The following ASAH2 variants were observed in gnomAD, a reference collection of about 807,000 sequenced individuals.
The protein encoded by ASAH2 is neutral ceramidase.
Under a neutral mutation model 82.9 loss-of-function variants are expected in ASAH2, and 58 were observed. That is an observed-to-expected ratio of 0.70 (90% CI 0.57 to 0.87). The LOEUF (loss-of-function observed/expected upper bound fraction) is 0.87, where lower values mean the gene tolerates loss of function less well. Ranked by LOEUF, ASAH2 falls within the 40% of genes least tolerant of loss-of-function variation. The probability of loss-of-function intolerance (pLI) is 0.00; values close to 1 mark genes in which losing one functional copy is unlikely to be tolerated. For missense variants in ASAH2, 779 were observed against 834.0 expected (o/e 0.93, Z 0.81); for synonymous variants, 276 against 289.7 (o/e 0.95, Z 0.48).
Position 50,186,129 on chromosome 10 carries a change from A to G in ASAH2, c.*1186T>C, listed in dbSNP as rs1844740214. 2.7e-5 allele frequency: 3 copies of G among 111,654 alleles called. No homozygotes were observed. The highest frequency in any genetic ancestry group is 5.7e-5 in the Non-Finnish European group (3 of 52,200). The allele number at this position is 111,654 out of a possible 1,614,324, so 6.9% of individuals were successfully genotyped here. On this transcript the variant is annotated 3_prime_UTR_variant, in exon 21 of 21. Coordinates refer to ENST00000682911, the MANE Select transcript of ASAH2 (RefSeq NM_019893.4). ...TCTGGAGCCTCTTTCCCCCCAAATTAGAGTATCCAACACAGATGATACACA... is the reference window on the plus strand; with the variant it reads ...TCTGGAGCCTCTTTCCCCCCAAATTGGAGTATCCAACACAGATGATACACA...
intron 4 of ASAH2, among the ~76,000 whole-genome samples, chr10:50,241,159 T>G (rs546139216): frequency 6.6e-5 from 10 of 152,290 alleles, no homozygotes; most frequent in African/African-American, 2.4e-4. Flanking sequence ...TGGGTCAAGC[T>G]TTCAGATGAC....
chr10:50,187,370 G>T lies in ASAH2; in HGVS notation c.2288C>A (p.Ala763Asp). Residue 763 changes from alanine (A) to aspartate (D), a missense_variant, in exon 21 of 21, where the codon GCT becomes GAT. By Grantham distance (126) the Ala-to-Asp change is moderately radical. This residue lies in a region of ASAH2 where 14 missense variants were observed against 16.2 expected (regional missense o/e 0.87). Transcript: ENST00000682911. ...HNRKQDILKPAVILSFEGTSP... is the reference protein window; with the variant it reads ...HNRKQDILKPDVILSFEGTSP... ...AGTGCCTTCAAATGAAAGTATGACA[G>T]CAGGCTTCAGAATGTCCTGCTTCCG... 2 of 383,174 alleles carry T rather than the reference G, an allele frequency of 5.2e-6. No homozygotes were observed. Among genetic ancestry groups the T allele is most frequent in the Non-Finnish European group, 9.1e-6 (2 of 219,134 alleles). The allele number at this position is 383,174 out of a possible 1,614,324, so 23.7% of individuals were successfully genotyped here.
At chr10:50,248,093 A>T (rs531312954) in intron 2 of ASAH2, among the ~76,000 whole-genome samples, 1 of 152,208 alleles carries the variant, frequency 6.6e-6, no homozygotes, top group East Asian at 1.9e-4. Context: ...ACTAATTGAC[A>T]TTCATTCAGT....
intron 13 of ASAH2, among the ~76,000 whole-genome samples, chr10:50,205,369 C>A (rs1033927019): frequency 6.6e-6 from 1 of 151,942 alleles, no homozygotes; most frequent in Non-Finnish European, 1.5e-5. Context: ...GAGAATTTAA[C>A]CCTTTCCTTA....
rs965010967 is a variant in ASAH2, at chr10:50,236,017, A to T, written c.558T>A (p.Asp186Glu). Residue 186 changes from aspartate (D) to glutamate (E), a missense_variant, in exon 5 of 21, where the codon GAT (aspartate) becomes GAA (glutamate). By Grantham distance (45) the Asp-to-Glu change is conservative. Around this residue, in one of 3 missense-constraint regions of ASAH2, gnomAD observed 759 missense variants for 755.2 expected, o/e 1.00. Coordinates refer to ENST00000682911, the MANE Select transcript of ASAH2 (RefSeq NM_019893.4). Reference sequence around the variant, plus strand: ...TGTGAGTGCCACTCAGGATGACATTATCTCTTCTGTACAGGGAGCCATATT... The same window carrying T: ...TGTGAGTGCCACTCAGGATGACATTTTCTCTTCTGTACAGGGAGCCATATT... ...QSKYGSLYRR[D>E]NVILSGTHTH... 13 of 1,613,208 alleles carry T rather than the reference A, an allele frequency of 8.1e-6. No individual in the cohort carries two copies. The African/African-American group carries it at 1.5e-4, about 18-fold the overall frequency.
chr10:50,204,844 T>C lies in ASAH2; in HGVS notation c.1625+17A>G, dbSNP rs2133202204. The C allele has an allele frequency of 2.6e-6, 4 of 1,566,308 alleles. No homozygotes were observed. Among genetic ancestry groups the C allele is most frequent in the East Asian group, 4.5e-5 (2 of 44,448 alleles). On this transcript the variant is annotated intron_variant, in intron 14 of 20. Coordinates refer to ENST00000682911, the MANE Select transcript of ASAH2 (RefSeq NM_019893.4). ...AACAAACACATTTTTAACTAAGTAATAAAAAGAAAAACTTACGTAAACTCC... is the reference window on the plus strand; with the variant it reads ...AACAAACACATTTTTAACTAAGTAACAAAAAGAAAAACTTACGTAAACTCC...
chr10:50,246,662 A>G (rs2133235691), intron 2 of ASAH2, among the ~76,000 whole-genome samples: 1 of 152,326 alleles, frequency 6.6e-6, no homozygotes, highest in South Asian at 2.1e-4. Flanking sequence ...AATGGAGAGC[A>G]TGTGATGAAT....
chr10:50,205,873 C>G, intron 13 of ASAH2, 109 bp downstream of exon 13: 1 of 939,910 alleles, frequency 1.1e-6, no homozygotes, highest in Non-Finnish European at 1.7e-6. Flanking sequence ...ATGGGAATAT[C>G]TAAATAAGAC....
chr10:50,193,985 T>C (rs1844908941), intron 18 of ASAH2, among the ~76,000 whole-genome samples: 1 of 151,350 alleles, frequency 6.6e-6, no homozygotes, highest in Non-Finnish European at 1.5e-5. Context: ...AAATAGGACA[T>C]ATGAATGGTC....
chr10:50,218,004 A>T (rs2133212388), intron 8 of ASAH2, among the ~76,000 whole-genome samples: 1 of 152,284 alleles, frequency 6.6e-6, no homozygotes, highest in African/African-American at 2.4e-5. Context: ...GTGCACCTGT[A>T]ATTTCAGCTA....
chr10:50,209,191 G>A (rs2133205291), intron 12 of ASAH2, among the ~76,000 whole-genome samples: 1 of 152,096 alleles, frequency 6.6e-6, no homozygotes, highest in Admixed American at 6.6e-5. Flanking sequence ...AATCTTATAA[G>A]AAAATAGGGG....
intron 7 of ASAH2, 36 bp downstream of exon 7, chr10:50,233,148 C>T (rs1846059695): frequency 6.3e-6 from 9 of 1,421,654 alleles, no homozygotes; most frequent in African/African-American, 5.6e-5. Flanking sequence ...AGAAAAGCTA[C>T]CCGACAGAAT....
intron 1 of ASAH2, among the ~76,000 whole-genome samples, chr10:50,249,133 G>A (rs1846550377): frequency 6.6e-6 from 1 of 152,172 alleles, no homozygotes; most frequent in Admixed American, 6.5e-5. Context: ...TTGTTCACCT[G>A]GAGGTGAAAC....
chr10:50,216,425 T>C (rs989082009), intron 8 of ASAH2, among the ~76,000 whole-genome samples: 1 of 152,156 alleles, frequency 6.6e-6, no homozygotes, highest in African/African-American at 2.4e-5. Flanking sequence ...CTGATTCAAG[T>C]GGGAGAGTTT....
chr10:50,234,665 GTCC>G, intron 5 of ASAH2, 113 bp from the exon 6 acceptor site: 1 of 1,428,476 alleles, frequency 7.0e-7, no homozygotes, highest in Non-Finnish European at 9.8e-7. Flanking sequence ...TCTCTAATGG[GTCC>G]ACATTACGGG....
At chr10:50,240,220 G>A (rs1395919251) in intron 4 of ASAH2, among the ~76,000 whole-genome samples, 1 of 152,076 alleles carries the variant, frequency 6.6e-6, no homozygotes, top group Non-Finnish European at 1.5e-5. Flanking sequence ...TGATAAAGGG[G>A]GAAATTGTTA....
At chr10:50,196,519 T>A (rs1361576716) in intron 18 of ASAH2, among the ~76,000 whole-genome samples, 2 of 148,354 alleles carry the variant, frequency 1.3e-5, no homozygotes, top group East Asian at 2.0e-4. Context: ...CAACTCTCAG[T>A]GCCAGTGAAT....
At chr10:50,200,755 G>C (rs1047284646) in intron 16 of ASAH2, among the ~76,000 whole-genome samples, 9,020 of 152,112 alleles carry the variant, frequency 0.059, 620 homozygotes, top group African/African-American at 0.17. Flanking sequence ...CATATCTGTT[G>C]AATGAATGAA....
chr10:50,211,768 G>A (rs1040189735), intron 10 of ASAH2, among the ~76,000 whole-genome samples: 39 of 152,168 alleles, frequency 2.6e-4, no homozygotes, highest in African/African-American at 9.2e-4. Context: ...TTCATCAAAC[G>A]TTCTCTTGCC....
Sources: allele counts gnomAD v4.1 joint callset (sites outside exome capture counted in the v4.1 genomes callset), GRCh38; gene constraint gnomAD v4.1.1; regional missense constraint gnomAD v4.1.1; transcripts MANE v1.5; gene names NCBI Gene and HGNC (gene_info 2026-07-23, HGNC 2026-07-21).